Variants in TMEM132B observed in about 807,000 individuals in gnomAD.
The protein encoded by TMEM132B is transmembrane protein 132B.
TMEM132B carries 18 observed loss-of-function variants against 90.8 expected under a neutral mutation model. The ratio of observed to expected loss-of-function variants is 0.20; its 90% CI spans 0.14 to 0.29. The LOEUF is 0.29. Ranked by LOEUF, TMEM132B falls within the 10% of genes least tolerant of loss-of-function variation. The pLI is 1.00. For synonymous variants in TMEM132B, 504 were observed against 523.3 expected (o/e 0.96, Z 0.50); for missense variants, 1,096 against 1,326.8 (o/e 0.83, Z 2.70).
intron 1 of TMEM132B, among the ~76,000 whole-genome samples, chr12:125,339,949 T>G (rs1877123874): frequency 6.6e-6 from 1 of 152,216 alleles, no homozygotes; most frequent in Non-Finnish European, 1.5e-5. Context: ...TAAACTGTAT[T>G]GTAAATCCAC....
At chr12:125,241,606 C>T (rs1355156883) in intron 1 of TMEM132B, among the ~76,000 whole-genome samples, 1 of 152,160 alleles carries the variant, frequency 6.6e-6, no homozygotes, top group African/African-American at 2.4e-5. Context: ...TTCTGTTGAG[C>T]CTTCAGAGGA....
chr12:125,609,502 G>T (rs79445200), intron 5 of TMEM132B, among the ~76,000 whole-genome samples: 15,225 of 151,770 alleles, frequency 0.1, 1,010 homozygotes, highest in South Asian at 0.21. Flanking sequence ...TTGGGGGGTG[G>T]TATTGCCACC....
chr12:125,224,650 G>A (rs889570936), intron 1 of TMEM132B, among the ~76,000 whole-genome samples: 2 of 152,244 alleles, frequency 1.3e-5, no homozygotes, highest in Non-Finnish European at 2.9e-5. Context: ...TCCAAGGGAC[G>A]CTTAGAGGTG....
chr12:125,510,104 A>ATGTT (rs1882941959), intron 3 of TMEM132B, among the ~76,000 whole-genome samples: 1 of 152,168 alleles, frequency 6.6e-6, no homozygotes, highest in Admixed American at 6.5e-5. Flanking sequence ...AGAAAGATAG[A>ATGTT]GGCAGTGGGG....
chr12:125,267,958 G>A (rs775089367), intron 1 of TMEM132B, among the ~76,000 whole-genome samples: 1 of 152,110 alleles, frequency 6.6e-6, no homozygotes, highest in Non-Finnish European at 1.5e-5. Flanking sequence ...AGGCTGCTAT[G>A]AGCCAGGTGA....
At position 125,406,172 on chromosome 12, in the gene TMEM132B, T is replaced by TA. The variant is rs1274683017; in HGVS notation, c.960-9358dup. On this transcript the variant is annotated intron_variant, in intron 2 of 8. Transcript: ENST00000682704. The surrounding 1 kb of genome is among the most constrained non-coding windows in gnomAD (Gnocchi z 8.3). Reference sequence around the variant, plus strand: ...TTTCCAGTAGACTGTGAGTACCTTTTACTGTCCAAACAGGAATCTTCTTTA... The same window carrying TA: ...TTTCCAGTAGACTGTGAGTACCTTTTAACTGTCCAAACAGGAATCTTCTTTA... Among the ~76,000 whole-genome samples the TA allele has an allele frequency of 2.6e-5, 4 of 152,236 alleles. No homozygotes were observed. Among genetic ancestry groups the TA allele is most frequent in the Non-Finnish European group, 2.9e-5 (2 of 68,044 alleles).
chr12:125,432,488 T>C lies in TMEM132B; in HGVS notation c.1106+16811T>C, dbSNP rs1294697820. On this transcript the variant is annotated intron_variant, in intron 3 of 8. Transcript: ENST00000682704. ...ATATATATGTATGTGTATATATATGTATGTGTATATATATGTGTGTGTGTA... is the reference window on the plus strand; with the variant it reads ...ATATATATGTATGTGTATATATATGCATGTGTATATATATGTGTGTGTGTA... 1.3e-3 allele frequency among the ~76,000 whole-genome samples: 97 copies of C among 73,744 alleles called. 16 individuals carry two copies. Among genetic ancestry groups the C allele is most frequent in the Admixed American group, 2.0e-3 (12 of 6,090 alleles). The allele number at this position is 73,744 out of a possible 152,430, so 48.4% of individuals were successfully genotyped here.
At chr12:125,491,785 G>A (rs1274536976) in intron 3 of TMEM132B, among the ~76,000 whole-genome samples, 3 of 152,294 alleles carry the variant, frequency 2.0e-5, no homozygotes, top group Middle Eastern at 3.4e-3. Context: ...CCACCCAGCC[G>A]TGCACCCTGG....
intron 4 of TMEM132B, among the ~76,000 whole-genome samples, chr12:125,522,371 G>A (rs1178710443): frequency 6.6e-6 from 1 of 152,196 alleles, no homozygotes; most frequent in Non-Finnish European, 1.5e-5. Context: ...CTGGGATAGT[G>A]AGGGATTGGT....
Position 125,406,881 on chromosome 12 carries a change from T to C in TMEM132B, c.960-8650T>C, listed in dbSNP as rs1879506815. Among the ~76,000 whole-genome samples the C allele has an allele frequency of 6.6e-6, 1 of 152,224 alleles. No homozygotes were observed. Among genetic ancestry groups the C allele is most frequent in the South Asian group, 2.1e-4 (1 of 4,824 alleles). On this transcript the variant is annotated intron_variant, in intron 2 of 8. Coordinates refer to ENST00000682704, the MANE Select transcript of TMEM132B (RefSeq NM_001366854.1). The surrounding 1 kb of genome is among the most constrained non-coding windows in gnomAD (Gnocchi z 8.3). ...TTTATTCTAGTGAAAGGATACAAAC[T>C]GAGTTCAGCCAAGGGAAGAGGTGCA...
In TMEM132B at chr12:125,527,792, C is replaced by T. The variant is rs557236711; in HGVS notation, c.1293+8167C>T. On this transcript the variant is annotated intron_variant, in intron 4 of 8. Transcript: ENST00000682704. ...CTACGCATCTACTTTTCCATCCACC[C>T]ATCCAACCCAGCCACCCAAACGGTG... is the stretch of plus-strand genomic sequence containing the variant. 5.3e-5 allele frequency among the ~76,000 whole-genome samples: 8 copies of T among 152,338 alleles called. 1 individual carries two copies. Among genetic ancestry groups the T allele is most frequent in the Admixed American group, 5.2e-4 (8 of 15,308 alleles).
At position 125,514,868 on chromosome 12, in the gene TMEM132B, C is replaced by A. The variant is rs967942331; in HGVS notation, c.1107-4571C>A. On this transcript the variant is annotated intron_variant, in intron 3 of 8. Coordinates refer to ENST00000682704, the MANE Select transcript of TMEM132B (RefSeq NM_001366854.1). Reference sequence around the variant, plus strand: ...TAGGTGCCCTGTCCCTCTCTGCTGCCCTGTGTCTTCTCCTCCTCCTCCTCC... The same window carrying A: ...TAGGTGCCCTGTCCCTCTCTGCTGCACTGTGTCTTCTCCTCCTCCTCCTCC... Among the ~76,000 whole-genome samples the A allele has an allele frequency of 2.0e-5, 3 of 152,146 alleles. 1 individual carries two copies. The highest frequency in any genetic ancestry group is 7.2e-5 in the African/African-American group (3 of 41,440).
At chr12:125,643,219 G>C (rs1886675409) in intron 5 of TMEM132B, among the ~76,000 whole-genome samples, 1 of 152,214 alleles carries the variant, frequency 6.6e-6, no homozygotes, top group Admixed American at 6.5e-5. Context: ...GGCCCTGCCA[G>C]CAGCACAGGC....
chr12:125,334,261 C>T (rs1377333885), intron 1 of TMEM132B, among the ~76,000 whole-genome samples: 2 of 152,212 alleles, frequency 1.3e-5, no homozygotes, highest in South Asian at 2.1e-4. Context: ...TTTCATAGCT[C>T]GTGCAAGCAT....
intron 3 of TMEM132B, among the ~76,000 whole-genome samples, chr12:125,486,000 G>A (rs1021801669): frequency 1.3e-5 from 2 of 152,164 alleles, no homozygotes; most frequent in Non-Finnish European, 2.9e-5. Context: ...AGAAAATAAT[G>A]CATCTCTCTC....
Position 125,406,737 on chromosome 12 carries a change from C to T in TMEM132B, c.960-8794C>T, listed in dbSNP as rs941927187. ...CTGGAAAGCTGGGAAGGTCTCAAGA[C>T]CACCCTCACTTCTGATGCCATCTGC... On this transcript the variant is annotated intron_variant, in intron 2 of 8. Transcript: ENST00000682704. The surrounding 1 kb of genome is among the most constrained non-coding windows in gnomAD (Gnocchi z 8.3). Among the ~76,000 whole-genome samples, 1 of 152,154 alleles carries T rather than the reference C, an allele frequency of 6.6e-6. No individual in the cohort carries two copies. The highest frequency in any genetic ancestry group is 1.9e-4 in the East Asian group (1 of 5,190).
At chr12:125,636,582 A>G (rs1456618853) in intron 5 of TMEM132B, among the ~76,000 whole-genome samples, 2 of 152,178 alleles carry the variant, frequency 1.3e-5, no homozygotes, top group Non-Finnish European at 2.9e-5. Flanking sequence ...TTCAAGCTGT[A>G]GTGTGTCTAG....
intron 4 of TMEM132B, among the ~76,000 whole-genome samples, chr12:125,545,642 C>T (rs1466416834): frequency 6.6e-6 from 1 of 152,170 alleles, no homozygotes; most frequent in Non-Finnish European, 1.5e-5. Context: ...GACGGTTCAA[C>T]GATAATCAGT....
chr12:125,601,585 G>C (rs753112903), intron 5 of TMEM132B, among the ~76,000 whole-genome samples: 1 of 152,020 alleles, frequency 6.6e-6, no homozygotes, highest in Non-Finnish European at 1.5e-5. Context: ...AAATCCAAAA[G>C]CTAGCAGAAG....
Sources: gnomAD v4.1 joint callset for allele counts (sites outside exome capture counted in the v4.1 genomes callset) on GRCh38, gnomAD v4.1.1 for gene constraint, Gnocchi (gnomAD v3.1) non-coding constraint, MANE v1.5 for transcripts, NCBI Gene and HGNC (gene_info 2026-07-23, HGNC 2026-07-21) for gene names.